Variants in BRINP3 observed in about 807,000 individuals in gnomAD.
BRINP3 encodes BMP/retinoic acid inducible neural specific 3.
BRINP3 carries 19 observed loss-of-function variants against 71.0 expected under a neutral mutation model. That is an observed-to-expected ratio of 0.27 (90% CI 0.19 to 0.39). The LOEUF (loss-of-function observed/expected upper bound fraction) is 0.39, where lower values mean the gene tolerates loss of function less well. Among genes scored for constraint, BRINP3 ranks in the 10% least tolerant of loss-of-function variants. BRINP3 has a pLI of 1.00. For missense variants in BRINP3, 959 were observed against 940.8 expected (o/e 1.02, Z -0.25); for synonymous variants, 380 against 337.7 (o/e 1.13, Z -1.37).
intron 2 of BRINP3, among the ~76,000 whole-genome samples, chr1:190,410,594 A>C (rs570590496): frequency 1.3e-5 from 2 of 152,250 alleles, no homozygotes; most frequent in East Asian, 3.9e-4. Context: ...GAATGTAAAA[A>C]AATAGAACAT....
Position 190,281,666 on chromosome 1 carries a change from G to C in BRINP3, c.321C>G (p.Phe107Leu). The C allele has an allele frequency of 6.2e-7, 1 of 1,612,942 alleles. No homozygotes were observed. Among genetic ancestry groups the C allele is most frequent in the South Asian group, 1.1e-5 (1 of 91,052 alleles). The change falls in exon 3 of 8, where the codon TTC becomes TTG. Residue 107 changes from phenylalanine (F) to leucine (L), a missense_variant. Transcript: ENST00000367462. ...GTCCCAAAAGTCTTATGTTGCGGAAGAATTCAGGGGCAAGAGGCAGAGGAG... is the reference window on the plus strand; with the variant it reads ...GTCCCAAAAGTCTTATGTTGCGGAACAATTCAGGGGCAAGAGGCAGAGGAG... ...LGSPLPLAPE[F>L]FRNIRLLGRR...
chr1:190,452,666 C>T (rs1675693875), intron 2 of BRINP3, among the ~76,000 whole-genome samples: 1 of 152,092 alleles, frequency 6.6e-6, no homozygotes, highest in South Asian at 2.1e-4. Flanking sequence ...CAAAACCAGC[C>T]TCACCAACAT....
At chr1:190,424,967 A>C (rs2102476652) in intron 2 of BRINP3, among the ~76,000 whole-genome samples, 1 of 151,726 alleles carries the variant, frequency 6.6e-6, no homozygotes, top group Non-Finnish European at 1.5e-5. Flanking sequence ...GATCCAATTA[A>C]AGGGAAGATG....
intron 2 of BRINP3, among the ~76,000 whole-genome samples, chr1:190,411,609 A>G (rs1672666917): frequency 6.6e-6 from 1 of 152,182 alleles, no homozygotes; most frequent in African/African-American, 2.4e-5. Flanking sequence ...ACTAATTGAA[A>G]TGATAACTAA....
rs888429364 is a variant in BRINP3 at position 190,263,684 on chromosome 1, G to A, written c.618+1181C>T. ...CGCTCACTGCAAGTTCTGCCTCCCA[G>A]GTTCATGCCATTCTCCTGCCTCAGC... On this transcript the variant is annotated intron_variant, in intron 4 of 7. Transcript: ENST00000367462. Among the ~76,000 whole-genome samples, 3 of 149,626 alleles carry A rather than the reference G, an allele frequency of 2.0e-5. No individual in the cohort carries two copies. In the South Asian group the frequency reaches 6.3e-4, roughly 32 times the overall value.
chr1:190,118,686 T>G (rs1653356613), intron 7 of BRINP3, among the ~76,000 whole-genome samples: 1 of 152,176 alleles, frequency 6.6e-6, no homozygotes, highest in South Asian at 2.1e-4. Flanking sequence ...TAAGACTGCC[T>G]TTCCACAAAA....
At chr1:190,370,956 C>T (rs1669822848) in intron 2 of BRINP3, among the ~76,000 whole-genome samples, 1 of 151,766 alleles carries the variant, frequency 6.6e-6, no homozygotes, top group Non-Finnish European at 1.5e-5. Context: ...TATCAAATAC[C>T]TGTTGGTCAT....
chr1:190,469,252 T>C (rs1177192817), intron 1 of BRINP3, among the ~76,000 whole-genome samples: 3 of 151,084 alleles, frequency 2.0e-5, no homozygotes, highest in African/African-American at 7.3e-5. Flanking sequence ...TGGTATAATC[T>C]TGACAATATT....
In BRINP3 at chr1:190,329,751, A is replaced by G. The variant is rs553551455; in HGVS notation, c.237-48001T>C. 7.9e-5 allele frequency among the ~76,000 whole-genome samples: 12 copies of G among 152,180 alleles called. 1 individual carries two copies. Among genetic ancestry groups the G allele is most frequent in the African/African-American group, 2.4e-4 (10 of 41,536 alleles). ...ATCACGTTGCCAAACTTAAAACTATACTACGAGGCCACAGTAACCAAAACA... is the reference window on the plus strand; with the variant it reads ...ATCACGTTGCCAAACTTAAAACTATGCTACGAGGCCACAGTAACCAAAACA... On this transcript the variant is annotated intron_variant, in intron 2 of 7. Transcript: ENST00000367462.
intron 2 of BRINP3, among the ~76,000 whole-genome samples, chr1:190,369,610 T>A (rs866904601): frequency 3.8e-4 from 57 of 151,928 alleles, no homozygotes; most frequent in African/African-American, 1.3e-3. Context: ...ACAATGTGTT[T>A]TCTAAAATAC....
At chr1:190,435,413 T>C (rs1382546112) in intron 2 of BRINP3, among the ~76,000 whole-genome samples, 1 of 152,052 alleles carries the variant, frequency 6.6e-6, no homozygotes, top group Non-Finnish European at 1.5e-5. Flanking sequence ...AACTCATTTT[T>C]TTTTTTGAGG....
At chr1:190,371,354 T>A (rs149614485) in intron 2 of BRINP3, among the ~76,000 whole-genome samples, 1 of 152,190 alleles carries the variant, frequency 6.6e-6, no homozygotes, top group Non-Finnish European at 1.5e-5. Context: ...TTCCCATAGA[T>A]GGTGTGATAA....
intron 3 of BRINP3, among the ~76,000 whole-genome samples, chr1:190,270,604 G>T (rs1356451069): frequency 6.6e-6 from 1 of 151,664 alleles, no homozygotes. Flanking sequence ...GAGTATATGG[G>T]TATTCATTGT....
intron 2 of BRINP3, among the ~76,000 whole-genome samples, chr1:190,330,545 G>C (rs1666897634): frequency 6.6e-6 from 1 of 152,058 alleles, no homozygotes; most frequent in Non-Finnish European, 1.5e-5. Flanking sequence ...ATGTACATTA[G>C]TTTAGCCACT....
intron 4 of BRINP3, 35 bp from the exon 5 acceptor site, chr1:190,234,512 C>T: frequency 6.7e-7 from 1 of 1,496,456 alleles, no homozygotes; most frequent in Middle Eastern, 1.7e-4. Context: ...TTATCTAAAT[C>T]AGACTTTACA....
intron 6 of BRINP3, among the ~76,000 whole-genome samples, chr1:190,189,808 A>G (rs1653875757): frequency 6.6e-6 from 1 of 151,968 alleles, no homozygotes; most frequent in Admixed American, 6.6e-5. Context: ...GTTTCCCTGG[A>G]TATTCTTGAT....
At chr1:190,154,184 C>T (rs2102433545) in intron 7 of BRINP3, 2 of 397,428 alleles carry the variant, frequency 5.0e-6, no homozygotes, top group South Asian at 1.1e-4. Context: ...TCATGCATTC[C>T]TCCCATTTAT....
intron 7 of BRINP3, among the ~76,000 whole-genome samples, chr1:190,110,412 T>A (rs566969356): frequency 6.6e-6 from 1 of 152,206 alleles, no homozygotes; most frequent in Non-Finnish European, 1.5e-5. Context: ...GTCTGAAACA[T>A]TTTAGGCAGC....
chr1:190,450,172 G>C (rs945855946), intron 2 of BRINP3, among the ~76,000 whole-genome samples: 1 of 152,092 alleles, frequency 6.6e-6, no homozygotes, highest in Non-Finnish European at 1.5e-5. Flanking sequence ...GGATCCTGTC[G>C]TAGAGAGGGA....
Sources: allele counts gnomAD v4.1 joint callset (sites outside exome capture counted in the v4.1 genomes callset), GRCh38; gene constraint gnomAD v4.1.1; transcripts MANE v1.5; gene names NCBI Gene and HGNC (gene_info 2026-07-23, HGNC 2026-07-21).